The following LDB3 variants were observed in gnomAD, a reference collection of about 807,000 sequenced individuals.
The protein encoded by LDB3 is LIM domain binding 3, also known as LIM domain-binding protein 3.
Under a neutral mutation model 69.0 loss-of-function variants are expected in LDB3, and 49 were observed. That is an observed-to-expected ratio of 0.71 (90% CI 0.56 to 0.90). LDB3 has a LOEUF of 0.90. LDB3 is among the 40% of genes least tolerant of loss of function. The pLI is 0.00. For missense variants in LDB3, 928 were observed against 974.1 expected, an observed-to-expected ratio of 0.95 and a Z score of 0.63; for synonymous variants, 387 against 396.2, an observed-to-expected ratio of 0.98 and a Z score of 0.28.
intron 5 of LDB3, chr10:86,687,027 C>G: frequency 6.3e-7 from 1 of 1,596,908 alleles, no homozygotes; most frequent in South Asian, 1.1e-5. Context: ...TTGCCCTTTT[C>G]TCCTCCCTCT....
Position 86,725,753 on chromosome 10 carries a change from G to A in LDB3, c.1979-384G>A, listed in dbSNP as rs11202139. Among the ~76,000 whole-genome samples, 6 of 152,258 alleles carry A rather than the reference G, an allele frequency of 3.9e-5. No individual in the cohort carries two copies. The East Asian group carries it at 5.8e-4, about 15-fold the overall frequency. ...AGAAAATTCTATAACTCTTAAATAC[G>A]TTGGACCCACATTCTTCCAAACTAA... is the stretch of plus-strand genomic sequence containing the variant. On this transcript the variant is annotated intron_variant, in intron 12 of 13. Coordinates refer to ENST00000361373, the MANE Select transcript of LDB3 (RefSeq NM_007078.3).
At chr10:86,679,632 A>C in intron 3 of LDB3, 114 bp downstream of exon 3, 1 of 1,220,434 alleles carries the variant, frequency 8.2e-7, no homozygotes. Flanking sequence ...GGGCTACAAA[A>C]CTGTGCAGGA....
At chr10:86,718,306 T>C (rs1846950376) in intron 11 of LDB3, among the ~76,000 whole-genome samples, 162 bp downstream of exon 11, 2 of 152,210 alleles carry the variant, frequency 1.3e-5, no homozygotes, top group South Asian at 4.1e-4. Flanking sequence ...AACTTGGGGA[T>C]AAATGAACTT....
intron 5 of LDB3, among the ~76,000 whole-genome samples, chr10:86,690,711 G>A (rs906292908): frequency 3.3e-5 from 5 of 152,234 alleles, no homozygotes; most frequent in African/African-American, 1.2e-4. Context: ...AAAGGGAGAG[G>A]CAGGCAGAAG....
At chr10:86,707,132 T>C (rs1039634352) in intron 8 of LDB3, among the ~76,000 whole-genome samples, 1 of 152,092 alleles carries the variant, frequency 6.6e-6, no homozygotes, top group African/African-American at 2.4e-5. Context: ...AAGTTGTCCC[T>C]GTGGGCTGGA....
In LDB3 at chr10:86,709,874, C is replaced by T. The variant is rs373101520; in HGVS notation, c.1086-31C>T. On this transcript the variant is annotated intron_variant, in intron 8 of 13. Transcript: ENST00000361373. ...GCAGGCCCCAGTGGGGGCTGTCCTT[C>T]TGGGTGTAACCCCTCCCCGCTTGGT... The T allele has an allele frequency of 1.3e-4, 212 of 1,604,454 alleles. No homozygotes were observed. In the African/African-American group the frequency reaches 1.8e-3, roughly 14 times the overall value.
chr10:86,725,121 C>T (rs1020536880), intron 12 of LDB3, among the ~76,000 whole-genome samples: 4 of 152,214 alleles, frequency 2.6e-5, no homozygotes, highest in African/African-American at 9.6e-5. Flanking sequence ...GGAATGCGTA[C>T]ACTTCTCAGG....
intron 4 of LDB3, 68 bp downstream of exon 4, chr10:86,680,225 T>G: frequency 6.9e-7 from 1 of 1,441,306 alleles, no homozygotes; most frequent in Non-Finnish European, 9.7e-7. Context: ...CTGGCCAGCC[T>G]GCCTGGTCTT....
chr10:86,718,129 C>T lies in LDB3; in HGVS notation c.1842C>T (p.Asn614=). Residue 614 remains asparagine (N), a synonymous_variant, in exon 11 of 14, where the codon AAC becomes AAT. Transcript: ENST00000361373. ...TTGCCCCGCTGTGTGCCAAGTGCAA[C>T]ACCAAAATTATGGGGGTAAGTGGGA... The part of the protein sequence containing the change: ...QFFAPLCAKC[N]TKIMGEVMHA... 1 of 1,614,148 alleles carries T rather than the reference C, an allele frequency of 6.2e-7. No homozygotes were observed. Among genetic ancestry groups the T allele is most frequent in the Non-Finnish European group, 8.5e-7 (1 of 1,180,002 alleles).
At chr10:86,700,104 G>T in intron 7 of LDB3, 1 of 973,426 alleles carries the variant, frequency 1.0e-6, no homozygotes, top group Non-Finnish European at 1.2e-6. Context: ...GGGGCTGTGA[G>T]GGCATGATCT....
intron 13 of LDB3, among the ~76,000 whole-genome samples, chr10:86,730,703 C>T (rs945928662): frequency 6.6e-6 from 1 of 152,164 alleles, no homozygotes; most frequent in African/African-American, 2.4e-5. Flanking sequence ...GCTTACCTAC[C>T]TTATAAGGTT....
intron 5 of LDB3, among the ~76,000 whole-genome samples, chr10:86,689,673 A>G (rs1349253464): frequency 6.6e-6 from 1 of 152,106 alleles, no homozygotes; most frequent in East Asian, 1.9e-4. Flanking sequence ...TGACAAGGTA[A>G]CCTCTTGGAG....
intron 12 of LDB3, among the ~76,000 whole-genome samples, 162 bp downstream of exon 12, chr10:86,719,009 A>T (rs967852398): frequency 9.2e-5 from 14 of 152,138 alleles, no homozygotes; most frequent in Admixed American, 2.6e-4. Flanking sequence ...AATCATGCTA[A>T]TATCACACAA....
rs771740376 is a variant in LDB3 at position 86,722,299 on chromosome 10, T to C, written c.1978+3452T>C. Among the ~76,000 whole-genome samples the C allele has an allele frequency of 1.5e-3, 221 of 152,276 alleles. 1 individual carries two copies. The highest frequency in any genetic ancestry group is 3.4e-3 in the Middle Eastern group (1 of 294). ...TTTTTGAGACGGAGTCTCGCTCTGTTGCCCAGGCTGGAGTGCAGTGGCGCG... is the reference window on the plus strand; with the variant it reads ...TTTTTGAGACGGAGTCTCGCTCTGTCGCCCAGGCTGGAGTGCAGTGGCGCG... On this transcript the variant is annotated intron_variant, in intron 12 of 13. Coordinates refer to ENST00000361373, the MANE Select transcript of LDB3 (RefSeq NM_007078.3).
At chr10:86,706,845 G>C in intron 8 of LDB3, 126 bp downstream of exon 8, 1 of 979,696 alleles carries the variant, frequency 1.0e-6, no homozygotes, top group South Asian at 1.6e-5. Flanking sequence ...GGAAGCCAAG[G>C]CCAGCGCTGC....
intron 7 of LDB3, among the ~76,000 whole-genome samples, chr10:86,698,691 T>C (rs904015377): frequency 6.6e-5 from 10 of 152,176 alleles, no homozygotes; most frequent in Admixed American, 6.5e-4. Context: ...TGCTCAGGCC[T>C]GGCGAGCAGG....
rs1287869464 is a variant in LDB3 at position 86,718,806 on chromosome 10, G to T, written c.1937G>T (p.Ser646Ile). 1 of 1,614,090 alleles carries T rather than the reference G, an allele frequency of 6.2e-7. No individual in the cohort carries two copies. Among genetic ancestry groups the T allele is most frequent in the Admixed American group, 1.7e-5 (1 of 60,016 alleles). Residue 646 changes from serine (S) to isoleucine (I), a missense_variant, in exon 12 of 14, where the codon AGC becomes ATC. By Grantham distance (142) the Ser-to-Ile change is moderately radical (BLOSUM62 -2). Transcript: ENST00000361373. ...CAACKKPFGN[S>I]LFHMEDGEPY... ...GCCTGCAAGAAGCCTTTTGGGAACA[G>T]CCTCTTCCACATGGAAGACGGGGAG...
rs1846179931 is a variant in LDB3 at position 86,699,810 on chromosome 10, G to A, written c.897-6721G>A. On this transcript the variant is annotated intron_variant, in intron 7 of 13. Transcript: ENST00000361373. This position sits in a 1 kb window ranked among gnomAD's most constrained non-coding sequence, Gnocchi z 4.9. Reference sequence around the variant, plus strand: ...CCCGTAGATCAGGGTCTGGGGAAGAGGCTGATCCCTGGCGCTGCCCGGCTC... The same window carrying A: ...CCCGTAGATCAGGGTCTGGGGAAGAAGCTGATCCCTGGCGCTGCCCGGCTC... 1.9e-6 allele frequency: 2 copies of A among 1,031,776 alleles called. No individual in the cohort carries two copies. The highest frequency in any genetic ancestry group is 1.7e-5 in the African/African-American group (1 of 59,298). 63.9% of individuals were successfully genotyped at this position (1,031,776 alleles called of 1,614,324 possible).
At chr10:86,680,274 T>G in intron 4 of LDB3, 117 bp downstream of exon 4, 1 of 893,712 alleles carries the variant, frequency 1.1e-6, no homozygotes, top group East Asian at 2.6e-5. Flanking sequence ...GGATCAGCCC[T>G]GCCCCATCCC....
Sources: gnomAD v4.1 joint callset for allele counts (sites outside exome capture counted in the v4.1 genomes callset) on GRCh38, gnomAD v4.1.1 for gene constraint, Gnocchi (gnomAD v3.1) non-coding constraint, MANE v1.5 for transcripts, NCBI Gene and HGNC (gene_info 2026-07-23, HGNC 2026-07-21) for gene names.